The following PDSS2 variants were observed in gnomAD, a reference collection of about 807,000 sequenced individuals.
PDSS2 encodes decaprenyl diphosphate synthase subunit 2, also known as all trans-polyprenyl-diphosphate synthase PDSS2.
Under a neutral mutation model 44.5 loss-of-function variants are expected in PDSS2, and 31 were observed. That is an observed-to-expected ratio of 0.70 (90% confidence interval 0.52 to 0.94). The LOEUF is 0.94. Ranked by LOEUF, PDSS2 falls within the 40% of genes least tolerant of loss-of-function variation. The probability of loss-of-function intolerance (pLI) is 0.00; values close to 1 mark genes in which losing one functional copy is unlikely to be tolerated. For missense variants in PDSS2, 452 were observed against 482.2 expected (o/e 0.94, Z 0.59); for synonymous variants, 157 against 180.3 (o/e 0.87, Z 1.03).
At chr6:107,372,909 C>A (rs1470915544) in intron 1 of PDSS2, among the ~76,000 whole-genome samples, 2 of 151,760 alleles carry the variant, frequency 1.3e-5, no homozygotes, top group Non-Finnish European at 2.9e-5. Context: ...TCAATGTATA[C>A]AGGTAATTAT....
chr6:107,181,533 C>CAAAA (rs199867474), intron 7 of PDSS2, among the ~76,000 whole-genome samples: 3 of 108,072 alleles, frequency 2.8e-5, no homozygotes, highest in South Asian at 3.3e-4. Flanking sequence ...ATCTCTGTCT[C>CAAAA]AAAAAAAAAA....
At chr6:107,320,294 A>C (rs1352131975) in intron 2 of PDSS2, among the ~76,000 whole-genome samples, 4 of 151,178 alleles carry the variant, frequency 2.6e-5, no homozygotes, top group Non-Finnish European at 5.9e-5. Context: ...ACAAATATGT[A>C]AGTAATTATA....
chr6:107,454,956 CA>C (rs1781988952), intron 1 of PDSS2, among the ~76,000 whole-genome samples: 1 of 151,996 alleles, frequency 6.6e-6, no homozygotes, highest in Non-Finnish European at 1.5e-5. Context: ...ATCCACACCC[CA>C]AAAGTTTCTT....
At chr6:107,379,133 A>G (rs1410593261) in intron 1 of PDSS2, among the ~76,000 whole-genome samples, 1 of 152,192 alleles carries the variant, frequency 6.6e-6, no homozygotes, top group Non-Finnish European at 1.5e-5. Flanking sequence ...TTTGGCATGG[A>G]AGATTTGTTT....
chr6:107,311,063 G>A (rs1037517709), intron 2 of PDSS2, among the ~76,000 whole-genome samples: 8 of 151,662 alleles, frequency 5.3e-5, no homozygotes, highest in Non-Finnish European at 1.0e-4. Context: ...GACAACAGGT[G>A]CACACCACCA....
intron 1 of PDSS2, among the ~76,000 whole-genome samples, chr6:107,401,067 G>A (rs1293614400): frequency 6.6e-6 from 1 of 152,156 alleles, no homozygotes; most frequent in African/African-American, 2.4e-5. Context: ...AAACACTACT[G>A]CAACCATCAC....
intron 7 of PDSS2, among the ~76,000 whole-genome samples, chr6:107,171,099 A>T (rs1771557911): frequency 6.6e-6 from 1 of 152,210 alleles, no homozygotes; most frequent in Non-Finnish European, 1.5e-5. Flanking sequence ...TGTAGAACAG[A>T]GAGGGTTAAG....
chr6:107,347,252 T>A (rs1009728430), intron 1 of PDSS2, among the ~76,000 whole-genome samples: 1 of 131,704 alleles, frequency 7.6e-6, no homozygotes, highest in Non-Finnish European at 1.6e-5. Context: ...TAAAATTATA[T>A]CTTCTTTTTT....
At chr6:107,390,098 A>T (rs1414939429) in intron 1 of PDSS2, among the ~76,000 whole-genome samples, 1 of 152,182 alleles carries the variant, frequency 6.6e-6, no homozygotes, top group Non-Finnish European at 1.5e-5. Flanking sequence ...AAAGAGAGAT[A>T]TTCCTTACAG....
At chr6:107,186,832 T>A (rs1266238063) in intron 7 of PDSS2, among the ~76,000 whole-genome samples, 5 of 152,228 alleles carry the variant, frequency 3.3e-5, no homozygotes, top group Non-Finnish European at 7.3e-5. Flanking sequence ...ATCTGACTTT[T>A]CAGACAAAAT....
At chr6:107,334,636 T>C (rs1777821985) in intron 1 of PDSS2, among the ~76,000 whole-genome samples, 1 of 149,576 alleles carries the variant, frequency 6.7e-6, no homozygotes, top group Admixed American at 6.7e-5. Context: ...AACCTCCCGG[T>C]CCTAAGCGAT....
intron 3 of PDSS2, among the ~76,000 whole-genome samples, chr6:107,270,363 C>A (rs377283594): frequency 4.0e-5 from 6 of 151,768 alleles, no homozygotes; most frequent in African/African-American, 1.4e-4. Context: ...TCACTCGCCT[C>A]AGCCTCCGAA....
At chr6:107,434,864 C>T (rs562340243) in intron 1 of PDSS2, among the ~76,000 whole-genome samples, 20 of 151,954 alleles carry the variant, frequency 1.3e-4, no homozygotes, top group East Asian at 7.7e-4. Flanking sequence ...CATATATATA[C>T]GTGTGTGTGT....
chr6:107,267,403 A>G (rs1775443719), intron 3 of PDSS2, among the ~76,000 whole-genome samples: 1 of 152,178 alleles, frequency 6.6e-6, no homozygotes, highest in Non-Finnish European at 1.5e-5. Context: ...ATATGGTGAA[A>G]AGGAGAGATG....
chr6:107,169,191 T>C (rs1396804787), intron 7 of PDSS2, among the ~76,000 whole-genome samples: 21 of 152,182 alleles, frequency 1.4e-4, no homozygotes, highest in Admixed American at 1.3e-4. Flanking sequence ...TCCTCTTTTT[T>C]CTCTAAACTT....
At chr6:107,456,190 G>A (rs966493412) in intron 1 of PDSS2, among the ~76,000 whole-genome samples, 15 of 152,026 alleles carry the variant, frequency 9.9e-5, no homozygotes, top group Admixed American at 2.6e-4. Flanking sequence ...GCATGGTGGC[G>A]GGCGCCTATA....
chr6:107,199,872 T>G (rs1181558864), intron 6 of PDSS2, among the ~76,000 whole-genome samples: 1 of 152,214 alleles, frequency 6.6e-6, no homozygotes, highest in Non-Finnish European at 1.5e-5. Flanking sequence ...CCTTAGCTGA[T>G]GCCTTACATG....
At chr6:107,227,271 C>A (rs1773860670) in intron 4 of PDSS2, among the ~76,000 whole-genome samples, 1 of 107,312 alleles carries the variant, frequency 9.3e-6, no homozygotes, top group Non-Finnish European at 1.9e-5. Context: ...GTGTAAGCCA[C>A]TGTGCCCTTT....
chr6:107,314,346 T>A (rs917017190), intron 2 of PDSS2, among the ~76,000 whole-genome samples: 11 of 152,072 alleles, frequency 7.2e-5, no homozygotes, highest in African/African-American at 2.7e-4. Flanking sequence ...AAGCAGATAA[T>A]CTTCTATAGA....
Sources: gnomAD v4.1 joint callset for allele counts (sites outside exome capture counted in the v4.1 genomes callset) on GRCh38, gnomAD v4.1.1 for gene constraint, MANE v1.5 for transcripts, NCBI Gene and HGNC (gene_info 2026-07-23, HGNC 2026-07-21) for gene names.